ZBTB16: variants seen among roughly 807,000 people sequenced by gnomAD.
The protein encoded by ZBTB16 is zinc finger and BTB domain containing 16, also known as zinc finger and BTB domain-containing protein 16.
A neutral mutation model predicts 56.8 loss-of-function variants in ZBTB16; 8 were observed. That is an observed-to-expected ratio of 0.14 (90% CI 0.08 to 0.25). The LOEUF (loss-of-function observed/expected upper bound fraction) is 0.25, where lower values mean the gene tolerates loss of function less well. Ranked by LOEUF, ZBTB16 falls within the 10% of genes least tolerant of loss-of-function variation. The probability of loss-of-function intolerance (pLI) is 1.00; values close to 1 mark genes in which losing one functional copy is unlikely to be tolerated. For synonymous variants in ZBTB16, 363 were observed against 368.5 expected, an observed-to-expected ratio of 0.98 and a Z score of 0.17; for missense variants, 625 against 903.0, an observed-to-expected ratio of 0.69 and a Z score of 3.95.
intron 2 of ZBTB16, among the ~76,000 whole-genome samples, chr11:114,128,935 C>T (rs975579321): frequency 6.6e-6 from 1 of 152,204 alleles, no homozygotes; most frequent in Non-Finnish European, 1.5e-5. Flanking sequence ...ACCTCTTGAG[C>T]TCTGGAGCAA....
At chr11:114,229,340 G>C (rs1344707365) in intron 4 of ZBTB16, among the ~76,000 whole-genome samples, 1 of 152,168 alleles carries the variant, frequency 6.6e-6, no homozygotes, top group Non-Finnish European at 1.5e-5. Flanking sequence ...GATTAAATCG[G>C]ATTTGTGGGA....
intron 3 of ZBTB16, among the ~76,000 whole-genome samples, chr11:114,185,464 G>A (rs576450025): frequency 1.3e-5 from 2 of 152,338 alleles, no homozygotes; most frequent in South Asian, 4.1e-4. Context: ...GTGGCTAACT[G>A]GGACAGGTTA....
chr11:114,248,834 G>A (rs1201165542), intron 6 of ZBTB16, among the ~76,000 whole-genome samples: 1 of 152,190 alleles, frequency 6.6e-6, no homozygotes, highest in African/African-American at 2.4e-5. Context: ...GATGTGACCT[G>A]GCAGGTGGAT....
intron 2 of ZBTB16, among the ~76,000 whole-genome samples, chr11:114,099,364 T>C (rs1157420418): frequency 1.3e-5 from 2 of 152,166 alleles, no homozygotes; most frequent in Non-Finnish European, 2.9e-5. Flanking sequence ...AAATCTATTT[T>C]ATAATGTTTA....
chr11:114,095,223 C>A (rs924224491), intron 2 of ZBTB16, among the ~76,000 whole-genome samples: 2 of 113,996 alleles, frequency 1.8e-5, no homozygotes, highest in Non-Finnish European at 1.8e-5. Flanking sequence ...TCTTATGTAA[C>A]CAATTTCTTT....
intron 3 of ZBTB16, among the ~76,000 whole-genome samples, chr11:114,174,186 G>A (rs1357721945): frequency 6.6e-6 from 1 of 152,214 alleles, no homozygotes; most frequent in Non-Finnish European, 1.5e-5. Flanking sequence ...GCTGCTCCCA[G>A]CCCAGGCTCT....
Position 114,059,819 on chromosome 11 carries a change from C to T in ZBTB16, c.-154C>T. On this transcript the variant is annotated 5_prime_UTR_variant, in exon 1 of 7. Coordinates refer to ENST00000335953, the MANE Select transcript of ZBTB16 (RefSeq NM_006006.6). The surrounding 1 kb of genome is among the most constrained non-coding windows in gnomAD (Gnocchi z 5.3). ...ACAGTTCCCCAGCAACACCCCTCCC[C>T]GACACAGGCACACACCCCCCGACAG... 2.5e-6 allele frequency: 1 copy of T among 398,250 alleles called. No individual in the cohort carries two copies. The allele number at this position is 398,250 out of a possible 1,614,324, so 24.7% of individuals were successfully genotyped here.
At chr11:114,087,985 G>T (rs1006697154) in intron 2 of ZBTB16, among the ~76,000 whole-genome samples, 1 of 151,966 alleles carries the variant, frequency 6.6e-6, no homozygotes, top group South Asian at 2.1e-4. Context: ...TCTGGTCATC[G>T]CAACAGGGCC....
chr11:114,208,444 G>T (rs1291696043), intron 4 of ZBTB16, among the ~76,000 whole-genome samples: 2 of 152,108 alleles, frequency 1.3e-5, no homozygotes, highest in African/African-American at 4.8e-5. Context: ...CACCATACCT[G>T]CCCTTTATAC....
At position 114,143,849 on chromosome 11, in the gene ZBTB16, T is replaced by C. The variant is rs943968070; in HGVS notation, c.1269-12488T>C. Among the ~76,000 whole-genome samples the C allele has an allele frequency of 6.6e-6, 1 of 152,166 alleles. No homozygotes were observed. Among genetic ancestry groups the C allele is most frequent in the Non-Finnish European group, 1.5e-5 (1 of 68,020 alleles). ...ATAGCATGCAGTATGTTGTTGGGTA[T>C]TGTGTTGCACCGTGAGACTGAAAGT... On this transcript the variant is annotated intron_variant, in intron 2 of 6. Coordinates refer to ENST00000335953, the MANE Select transcript of ZBTB16 (RefSeq NM_006006.6). The surrounding 1 kb of genome is among the most constrained non-coding windows in gnomAD (Gnocchi z 6.4).
At chr11:114,223,330 A>G (rs1465136845) in intron 4 of ZBTB16, among the ~76,000 whole-genome samples, 4 of 152,200 alleles carry the variant, frequency 2.6e-5, no homozygotes, top group Non-Finnish European at 5.9e-5. Context: ...GCACGTATTA[A>G]AAGATATGGG....
intron 2 of ZBTB16, among the ~76,000 whole-genome samples, chr11:114,092,685 G>T (rs898005134): frequency 6.6e-6 from 1 of 152,094 alleles, no homozygotes; most frequent in African/African-American, 2.4e-5. Flanking sequence ...AAAATGGGCT[G>T]GGAGGTGCTA....
At chr11:114,141,447 G>A (rs192074451) in intron 2 of ZBTB16, among the ~76,000 whole-genome samples, 4 of 152,258 alleles carry the variant, frequency 2.6e-5, no homozygotes, top group Admixed American at 1.3e-4. Flanking sequence ...TTGTCCACTA[G>A]GTTATGGACT....
intron 2 of ZBTB16, among the ~76,000 whole-genome samples, chr11:114,074,473 C>CTGGG (rs1298787673): frequency 6.6e-6 from 1 of 152,200 alleles, no homozygotes; most frequent in Non-Finnish European, 1.5e-5. Flanking sequence ...TTAGGTGCTG[C>CTGGG]TGGGGTCTAC....
At chr11:114,166,145 C>T (rs1942746946) in intron 3 of ZBTB16, among the ~76,000 whole-genome samples, 1 of 151,890 alleles carries the variant, frequency 6.6e-6, no homozygotes, top group Non-Finnish European at 1.5e-5. Flanking sequence ...GGCTGTGGCT[C>T]TCCTGCGTTC....
rs184243741 is a variant in ZBTB16 at position 114,107,348 on chromosome 11, C to T, written c.1268+42780C>T. Among the ~76,000 whole-genome samples the T allele has an allele frequency of 1.8e-4, 28 of 152,260 alleles. No homozygotes were observed. The Middle Eastern group carries it at 0.017, about 92-fold the overall frequency. On this transcript the variant is annotated intron_variant, in intron 2 of 6. Transcript: ENST00000335953. ...TTGTAATGTGCATTATAAAACACTT[C>T]GCATTTAGATCTAACTTCACTCCCT...
At chr11:114,178,341 A>G (rs1346224906) in intron 3 of ZBTB16, among the ~76,000 whole-genome samples, 1 of 152,212 alleles carries the variant, frequency 6.6e-6, no homozygotes, top group African/African-American at 2.4e-5. Context: ...TAAATTAATC[A>G]TCCCTCAACC....
intron 3 of ZBTB16, among the ~76,000 whole-genome samples, chr11:114,168,508 T>C (rs1377082286): frequency 2.0e-5 from 3 of 152,230 alleles, no homozygotes; most frequent in African/African-American, 4.8e-5. Flanking sequence ...ACTCAGTCTT[T>C]CTTCAACTTT....
chr11:114,185,382 A>G (rs1361011771), intron 3 of ZBTB16, among the ~76,000 whole-genome samples: 1 of 152,252 alleles, frequency 6.6e-6, no homozygotes, highest in Admixed American at 6.5e-5. Flanking sequence ...AGCATTGCTC[A>G]GGCACAGAGA....
Sources: gnomAD v4.1 joint callset for allele counts (sites outside exome capture counted in the v4.1 genomes callset) on GRCh38, gnomAD v4.1.1 for gene constraint, Gnocchi (gnomAD v3.1) non-coding constraint, MANE v1.5 for transcripts, NCBI Gene and HGNC (gene_info 2026-07-23, HGNC 2026-07-21) for gene names.